The following RNF17 variants were observed in gnomAD, a reference collection of about 807,000 sequenced individuals.
The protein encoded by RNF17 is spermatogenesis associated 23.
A neutral mutation model predicts 200.5 loss-of-function variants in RNF17; 31 were observed. The ratio of observed to expected loss-of-function variants is 0.15; its 90% CI spans 0.12 to 0.21. The LOEUF is 0.21. Among genes scored for constraint, RNF17 ranks in the 10% least tolerant of loss-of-function variants. The probability of loss-of-function intolerance (pLI) is 1.00; values close to 1 mark genes in which losing one functional copy is unlikely to be tolerated. For synonymous variants in RNF17, 606 were observed against 637.8 expected (o/e 0.95, Z 0.75); for missense variants, 1,628 against 1,905.1 (o/e 0.85, Z 2.71).
In RNF17 at chr13:24,842,056, A is replaced by G. The variant is rs372150747; in HGVS notation, c.2498A>G (p.Asn833Ser). 6.7e-5 allele frequency: 108 copies of G among 1,608,094 alleles called. No individual in the cohort carries two copies. The East Asian group carries it at 2.4e-3, about 36-fold the overall frequency. The stretch of plus-strand genomic sequence containing the variant: ...GGTTTTACAGAAATTCTGGAAGATA[A>G]TGTGCTCTTAGTTGAGCTTTTCGAT... ...TCSVIKILED[N>S]VLLVELFDSL... Residue 833 changes from asparagine to serine, a missense_variant, in exon 19 of 36, where the codon AAT becomes AGT. Asn to Ser is a conservative substitution (Grantham distance 46, BLOSUM62 1). Around this residue, in one of 5 missense-constraint regions of RNF17, gnomAD observed 227 missense variants for 319.8 expected, o/e 0.71. Coordinates refer to ENST00000255324, the MANE Select transcript of RNF17 (RefSeq NM_031277.3).
upstream of RNF17, among the ~76,000 whole-genome samples, chr13:24,760,278 G>A (rs1450404761): frequency 2.0e-5 from 3 of 152,196 alleles, no homozygotes; most frequent in East Asian, 5.8e-4. Flanking sequence ...GATAAAAAGG[G>A]CCTAGTCACA....
chr13:24,825,939 T>A (rs1205900333), intron 16 of RNF17, 167 bp downstream of exon 16: 1 of 983,324 alleles, frequency 1.0e-6, no homozygotes, highest in Non-Finnish European at 1.2e-6. Context: ...GAATCTATCT[T>A]CTGATATTTT....
intron 3 of RNF17, among the ~76,000 whole-genome samples, chr13:24,778,071 G>A (rs1439385324): frequency 2.0e-5 from 3 of 152,084 alleles, no homozygotes; most frequent in Non-Finnish European, 4.4e-5. Context: ...AGACCAGCCT[G>A]GACAGCATTT....
chr13:24,827,701 C>CAAAAAAA (rs538402990), intron 16 of RNF17, among the ~76,000 whole-genome samples: 247 of 12,214 alleles, frequency 0.02, 59 homozygotes, highest in South Asian at 0.026. Context: ...GACTCCGTCT[C>CAAAAAAA]AAAAAAAAAA....
At chr13:24,825,240 C>T (rs374110408) in intron 15 of RNF17, among the ~76,000 whole-genome samples, 1 of 151,912 alleles carries the variant, frequency 6.6e-6, no homozygotes, top group East Asian at 1.9e-4. Context: ...TAAATGTGAG[C>T]TAGAAATACT....
At chr13:24,884,546 A>G (rs1257942257), downstream of RNF17, 2 of 1,359,864 alleles carry the variant, frequency 1.5e-6, no homozygotes, top group East Asian at 4.6e-5. Context: ...GCCTACTTTG[A>G]AATTTTTTGT....
chr13:24,840,300 A>G (rs540780519), intron 18 of RNF17, among the ~76,000 whole-genome samples: 9 of 152,330 alleles, frequency 5.9e-5, no homozygotes, highest in East Asian at 3.9e-4. Context: ...TACAGTTACT[A>G]TGGAAAACAG....
At chr13:24,762,830 G>C (rs980568572), upstream of RNF17, among the ~76,000 whole-genome samples, 2 of 152,072 alleles carry the variant, frequency 1.3e-5, no homozygotes, top group African/African-American at 2.4e-5. Flanking sequence ...AACGTCTCAT[G>C]CACTCTACTG....
chr13:24,774,613 C>T (rs1039636948), intron 2 of RNF17, among the ~76,000 whole-genome samples, 200 bp from the exon 3 acceptor site: 1 of 152,134 alleles, frequency 6.6e-6, no homozygotes, highest in African/African-American at 2.4e-5. Context: ...TAATAGTTGC[C>T]AAATTCGTGA....
chr13:24,764,485 A>C (rs1489518970), intron 1 of RNF17, 152 bp downstream of exon 1: 5 of 1,144,704 alleles, frequency 4.4e-6, no homozygotes, highest in African/African-American at 3.1e-5. Context: ...GCTGCACCCG[A>C]CCTCTAAGAG....
chr13:24,797,441 A>G (rs897292885), intron 11 of RNF17, among the ~76,000 whole-genome samples: 2 of 152,148 alleles, frequency 1.3e-5, no homozygotes, highest in African/African-American at 4.8e-5. Flanking sequence ...ACTTTTATCC[A>G]TTGAAAGAAA....
At chr13:24,780,306 TGA>T (rs1394228324) in intron 5 of RNF17, among the ~76,000 whole-genome samples, 1 of 152,068 alleles carries the variant, frequency 6.6e-6, no homozygotes, top group Non-Finnish European at 1.5e-5. Context: ...AGAAGAGTTA[TGA>T]GAGAAAAAAA....
Position 24,831,794 on chromosome 13 carries a change from C to T in RNF17, c.2362-64C>T, listed in dbSNP as rs1889442299. The stretch of plus-strand genomic sequence containing the variant: ...TTAGTTTTGTACACACTTAATAAAA[C>T]TTGAATTCTAAAGTAGGTAGAAATT... On this transcript the variant is annotated intron_variant, in intron 17 of 35. Transcript: ENST00000255324. 3 of 1,416,384 alleles carry T rather than the reference C, an allele frequency of 2.1e-6. No individual in the cohort carries two copies. In the Admixed American group the frequency reaches 6.6e-5, roughly 31 times the overall value. The allele number at this position is 1,416,384 out of a possible 1,614,324, so 87.7% of individuals were successfully genotyped here. A position where few individuals can be genotyped will look rare whatever the true frequency, so the allele number is the denominator to read the frequency against.
Position 24,779,747 on chromosome 13 carries a change from A to G in RNF17, c.510A>G (p.Lys170=). Residue 170 remains lysine, a splice_region_variant and synonymous_variant, in exon 5 of 36, where the codon AAA becomes AAG. Coordinates refer to ENST00000255324, the MANE Select transcript of RNF17 (RefSeq NM_031277.3). ...TCGAACAGTTAAGCATTGCTGGAAA[A>G]GTAAGCACTTTGCAGGATTAAATTC... The part of the protein sequence containing the change: ...HSFEQLSIAG[K]ALEHMQKQTI... 6.2e-7 allele frequency: 1 copy of G among 1,610,152 alleles called. No homozygotes were observed. The highest frequency in any genetic ancestry group is 8.5e-7 in the Non-Finnish European group (1 of 1,176,542).
intron 15 of RNF17, 29 bp from the exon 16 acceptor site, chr13:24,825,590 T>G: frequency 1.4e-6 from 2 of 1,449,248 alleles, no homozygotes; most frequent in Non-Finnish European, 1.9e-6. Context: ...TTCTGTGAAA[T>G]GACAGTGCTT....
chr13:24,789,201 T>C (rs1430416584), intron 7 of RNF17, 147 bp from the exon 8 acceptor site: 3 of 562,634 alleles, frequency 5.3e-6, no homozygotes, highest in African/African-American at 3.7e-5. Context: ...TAAACACTTA[T>C]TTGTATCCCT....
chr13:24,850,215 G>GT (rs574837009), intron 22 of RNF17, 126 bp from the exon 23 acceptor site: 155 of 486,006 alleles, frequency 3.2e-4, no homozygotes, highest in South Asian at 2.9e-3. Context: ...TGTTTAAATT[G>GT]TTTTTTTTAC....
rs1889270138 is a variant in RNF17 at position 24,830,533 on chromosome 13, T to C, written c.2295T>C (p.Asn765=). The C allele has an allele frequency of 6.2e-7, 1 of 1,612,064 alleles. No homozygotes were observed. Among genetic ancestry groups the C allele is most frequent in the African/African-American group, 1.3e-5 (1 of 74,848 alleles). ...AAGTTAAATATGTGGACTTTGGTAATACTGCAAAAATAACAATCAAAGACG... is the reference window on the plus strand; with the variant it reads ...AAGTTAAATATGTGGACTTTGGTAACACTGCAAAAATAACAATCAAAGACG... ...EVEVKYVDFG[N]TAKITIKDVR... The change falls in exon 17 of 36, where the codon AAT becomes AAC. Residue 765 remains asparagine, a synonymous_variant. Transcript: ENST00000255324.
intron 13 of RNF17, among the ~76,000 whole-genome samples, chr13:24,800,974 A>G (rs1318737784): frequency 6.6e-6 from 1 of 152,248 alleles, no homozygotes; most frequent in East Asian, 1.9e-4. Flanking sequence ...TTGTAACAAT[A>G]CATGTTAAGC....
Sources: gnomAD v4.1 joint callset for allele counts (sites outside exome capture counted in the v4.1 genomes callset) on GRCh38, gnomAD v4.1.1 for gene constraint, gnomAD v4.1.1 regional missense constraint, MANE v1.5 for transcripts, NCBI Gene and HGNC (gene_info 2026-07-23, HGNC 2026-07-21) for gene names.